The following PLEKHG7 variants were observed in gnomAD, a reference collection of about 807,000 sequenced individuals.
The protein encoded by PLEKHG7 is pleckstrin homology domain-containing family G member 7.
PLEKHG7 carries 77 observed loss-of-function variants against 85.2 expected under a neutral mutation model. The observed-to-expected ratio is 0.90, with a 90% CI of 0.75 to 1.09. The LOEUF (loss-of-function observed/expected upper bound fraction) is 1.09. PLEKHG7 is among the 50% of genes least tolerant of loss of function. PLEKHG7 has a pLI of 0.00. For missense variants in PLEKHG7, 777 were observed against 804.3 expected (o/e 0.97, Z 0.41); for synonymous variants, 301 against 302.4 (o/e 1.00, Z 0.05).
rs758792717 is a variant in PLEKHG7 at position 92,740,865 on chromosome 12, A to G, written c.952A>G (p.Thr318Ala). The change falls in exon 8 of 17, where the codon ACA (threonine) becomes GCA (alanine). Residue 318 changes from threonine (T) to alanine (A), a missense_variant. Transcript: ENST00000344636. ...TTTTATTTCAAAGATCTTTATGAAT[A>G]CACTAAGATATCTGCAAACTCATGA... ...LLVLKMIFMN[T>A]LRYLQTHEYL... 1 of 1,600,390 alleles carries G rather than the reference A, an allele frequency of 6.2e-7. No individual in the cohort carries two copies. Among genetic ancestry groups the G allele is most frequent in the Admixed American group, 1.7e-5 (1 of 59,680 alleles).
At chr12:92,721,592 G>C (rs970906852) in intron 3 of PLEKHG7, 1 of 1,176,736 alleles carries the variant, frequency 8.5e-7, no homozygotes, top group East Asian at 3.2e-5. Flanking sequence ...CAGTGGAAGG[G>C]TGTCCTGCTC....
Position 92,745,596 on chromosome 12 carries a change from A to G in PLEKHG7, c.1251+5A>G. ...GACTTTGGAATTTATTTAAAAGTAA[A>G]GTATCATTTTCTTTTCTTTTGTATT... On this transcript the variant is annotated splice_donor_5th_base_variant and intron_variant, in intron 10 of 16. Coordinates refer to ENST00000344636, the MANE Select transcript of PLEKHG7 (RefSeq NM_001377329.1). 3 of 1,593,254 alleles carry G rather than the reference A, an allele frequency of 1.9e-6. No individual in the cohort carries two copies. The South Asian group carries it at 3.3e-5, about 18-fold the overall frequency.
intron 3 of PLEKHG7, among the ~76,000 whole-genome samples, chr12:92,709,858 C>T (rs1278562022): frequency 6.6e-6 from 1 of 152,160 alleles, no homozygotes; most frequent in Non-Finnish European, 1.5e-5. Flanking sequence ...GCCTGGCCAA[C>T]ATAGTGAAAC....
At chr12:92,757,448 G>A (rs1057393211) in intron 13 of PLEKHG7, among the ~76,000 whole-genome samples, 2 of 152,120 alleles carry the variant, frequency 1.3e-5, no homozygotes, top group Admixed American at 1.3e-4. Flanking sequence ...GAGGGGCTGG[G>A]AAATAATCCC....
chr12:92,743,204 T>A (rs1872419040), intron 9 of PLEKHG7, among the ~76,000 whole-genome samples: 1 of 152,174 alleles, frequency 6.6e-6, no homozygotes, highest in Admixed American at 6.5e-5. Flanking sequence ...ACCTGGAACA[T>A]TACCATTTGG....
chr12:92,731,366 A>C (rs1163579602), intron 4 of PLEKHG7, among the ~76,000 whole-genome samples: 3 of 152,198 alleles, frequency 2.0e-5, no homozygotes, highest in African/African-American at 7.2e-5. Flanking sequence ...AGGTGCCTTA[A>C]GCACATCCTT....
In PLEKHG7 at chr12:92,707,046, C is replaced by A. The variant is rs771510806; in HGVS notation, c.415C>A (p.Pro139Thr). The change falls in exon 2 of 17, where the codon CCT becomes ACT. Residue 139 changes from proline to threonine, a missense_variant. Around this residue, in one of 3 missense-constraint regions of PLEKHG7, gnomAD observed 252 missense variants for 241.9 expected, o/e 1.04. Transcript: ENST00000344636. ...TDKYLPPELQ[P>T]VNEGSLHQAS... ...CAAGTATCTCCCTCCTGAGCTTCAG[C>A]CTGTCAATGAAGGGTCCCTTCACCA... The A allele has an allele frequency of 2.5e-6, 4 of 1,614,154 alleles. No individual in the cohort carries two copies. In the East Asian group the frequency reaches 6.7e-5, roughly 27 times the overall value.
chr12:92,757,799 C>A (rs1169978199), intron 13 of PLEKHG7, among the ~76,000 whole-genome samples: 2 of 152,098 alleles, frequency 1.3e-5, no homozygotes, highest in Non-Finnish European at 2.9e-5. Context: ...ACAGAAGGAC[C>A]CAGCCAGGAA....
chr12:92,764,259 C>A, intron 15 of PLEKHG7, 65 bp downstream of exon 15: 1 of 1,449,394 alleles, frequency 6.9e-7, no homozygotes, highest in Non-Finnish European at 9.3e-7. Context: ...ATTGGCCTTT[C>A]TTGGTAGCAG....
At chr12:92,721,834 C>T (rs1041551396) in intron 3 of PLEKHG7, among the ~76,000 whole-genome samples, 2 of 151,610 alleles carry the variant, frequency 1.3e-5, no homozygotes, top group Non-Finnish European at 2.9e-5. Context: ...AGCCACACCC[C>T]AAATAGTTTG....
In PLEKHG7 at chr12:92,752,028, A is replaced by T. The variant is rs182898429; in HGVS notation, c.1252-2062A>T. Reference sequence around the variant, plus strand: ...CAAGATCCTGTTCCCCATCCCCCTTAAAAAAAAAAAACAGCTGATAGTGTG... The same window carrying T: ...CAAGATCCTGTTCCCCATCCCCCTTTAAAAAAAAAAACAGCTGATAGTGTG... On this transcript the variant is annotated intron_variant, in intron 10 of 16. Coordinates refer to ENST00000344636, the MANE Select transcript of PLEKHG7 (RefSeq NM_001377329.1). 3.6e-3 allele frequency among the ~76,000 whole-genome samples: 480 copies of T among 131,896 alleles called. 6 individuals are homozygous for T. The highest frequency in any genetic ancestry group is 0.012 in the African/African-American group (460 of 37,224). 86.5% of individuals were successfully genotyped at this position (131,896 alleles called of 152,430 possible). A position where few individuals can be genotyped will look rare whatever the true frequency, so the allele number is the denominator to read the frequency against.
intron 3 of PLEKHG7, among the ~76,000 whole-genome samples, chr12:92,720,858 C>A (rs577065669): frequency 2.0e-5 from 3 of 152,342 alleles, no homozygotes; most frequent in African/African-American, 7.2e-5. Flanking sequence ...GCCATCATCA[C>A]ATCATTTTAA....
At chr12:92,733,592 C>T (rs1418954422) in intron 5 of PLEKHG7, among the ~76,000 whole-genome samples, 2 of 152,158 alleles carry the variant, frequency 1.3e-5, no homozygotes, top group African/African-American at 4.8e-5. Context: ...TATGATGCAG[C>T]CCCTCCTGAG....
At chr12:92,731,449 TAG>T (rs1329034886) in intron 4 of PLEKHG7, among the ~76,000 whole-genome samples, 2 of 152,154 alleles carry the variant, frequency 1.3e-5, no homozygotes, top group Non-Finnish European at 2.9e-5. Flanking sequence ...GGGGATCTGA[TAG>T]AGAGAGAGAT....
At chr12:92,709,582 G>C (rs1871329245) in intron 3 of PLEKHG7, among the ~76,000 whole-genome samples, 1 of 152,158 alleles carries the variant, frequency 6.6e-6, no homozygotes, top group African/African-American at 2.4e-5. Flanking sequence ...TCCTAGAGCA[G>C]GTAAAGTCTG....
intron 10 of PLEKHG7, among the ~76,000 whole-genome samples, chr12:92,747,335 C>T (rs1872561415): frequency 1.9e-5 from 1 of 52,934 alleles, no homozygotes; most frequent in African/African-American, 5.6e-5. Flanking sequence ...CATCTTACCC[C>T]AGTTAAAATG....
intron 10 of PLEKHG7, among the ~76,000 whole-genome samples, chr12:92,751,100 A>T (rs1471722904): frequency 6.6e-6 from 1 of 152,244 alleles, no homozygotes; most frequent in Non-Finnish European, 1.5e-5. Flanking sequence ...CAGGCAGCCC[A>T]TAACACAACA....
chr12:92,767,612 T>C (rs1474287145), intron 15 of PLEKHG7, among the ~76,000 whole-genome samples: 1 of 152,088 alleles, frequency 6.6e-6, no homozygotes. Context: ...TGTAGTAGAA[T>C]TTGGGAATTA....
chr12:92,757,680 T>A (rs1872872537), intron 13 of PLEKHG7, among the ~76,000 whole-genome samples: 1 of 152,178 alleles, frequency 6.6e-6, no homozygotes, highest in Non-Finnish European at 1.5e-5. Context: ...AGGGAGGTTC[T>A]GTATCATGCC....
Sources: gnomAD v4.1 joint callset for allele counts (sites outside exome capture counted in the v4.1 genomes callset) on GRCh38, gnomAD v4.1.1 for gene constraint, gnomAD v4.1.1 regional missense constraint, MANE v1.5 for transcripts, NCBI Gene and HGNC (gene_info 2026-07-23, HGNC 2026-07-21) for gene names.